GALNT13: variants seen among roughly 807,000 people sequenced by gnomAD.
GALNT13 encodes the protein UDP-GalNAc:polypeptide N-acetylgalactosaminyltransferase 13.
A neutral mutation model predicts 64.2 loss-of-function variants in GALNT13; 28 were observed. The ratio of observed to expected loss-of-function variants is 0.44; its 90% confidence interval spans 0.32 to 0.60. GALNT13 has a LOEUF of 0.60. GALNT13 is among the 20% of genes least tolerant of loss of function. The pLI is 0.05. For missense variants in GALNT13, 577 were observed against 669.8 expected (o/e 0.86, Z 1.53); for synonymous variants, 214 against 224.6 (o/e 0.95, Z 0.42).
the GALNT13 span, among the ~76,000 whole-genome samples, chr2:153,262,694 CA>C: frequency 6.6e-6 from 1 of 151,976 alleles, no homozygotes. Flanking sequence ...GAAATAAAGG[CA>C]AAAACCACAT....
chr2:153,291,521 G>A, the GALNT13 span, among the ~76,000 whole-genome samples: 2 of 152,066 alleles, frequency 1.3e-5, no homozygotes, highest in African/African-American at 4.8e-5. Context: ...CCTTGCTCTG[G>A]TCAGTGCTAG....
chr2:153,128,349 G>A, the GALNT13 span, among the ~76,000 whole-genome samples: 4 of 152,290 alleles, frequency 2.6e-5, no homozygotes, highest in African/African-American at 9.6e-5. Context: ...AGCAGGCAAA[G>A]AAAGAGCTTG....
At chr2:154,005,749 G>C (rs1283019795) in intron 3 of GALNT13, among the ~76,000 whole-genome samples, 1 of 152,130 alleles carries the variant, frequency 6.6e-6, no homozygotes, top group Middle Eastern at 3.4e-3. Flanking sequence ...AACAACTGCT[G>C]CTATCAAGAG....
At chr2:153,792,704 G>C in the GALNT13 span, among the ~76,000 whole-genome samples, 1 of 151,950 alleles carries the variant, frequency 6.6e-6, no homozygotes, top group Non-Finnish European at 1.5e-5. Context: ...TGCTACTATT[G>C]GTCATGAAGG....
intron 3 of GALNT13, among the ~76,000 whole-genome samples, chr2:154,126,600 A>C (rs1292149138): frequency 1.3e-5 from 2 of 151,116 alleles, no homozygotes; most frequent in African/African-American, 4.9e-5. Flanking sequence ...GCGCCATTGC[A>C]CTCCAGCCCG....
At chr2:154,352,402 A>G (rs749222249) in intron 9 of GALNT13, among the ~76,000 whole-genome samples, 2 of 152,196 alleles carry the variant, frequency 1.3e-5, no homozygotes, top group Admixed American at 6.5e-5. Flanking sequence ...TACTTTTCAG[A>G]AAAGTAAAGT....
At chr2:153,449,755 C>T in the GALNT13 span, 1 of 153,148 alleles carries the variant, frequency 6.5e-6, no homozygotes, top group Non-Finnish European at 1.5e-5. Context: ...CAAATAGTGC[C>T]TTGTTGCTAC....
chr2:154,075,565 A>G (rs922188694), intron 3 of GALNT13, among the ~76,000 whole-genome samples: 2 of 151,810 alleles, frequency 1.3e-5, no homozygotes, highest in Admixed American at 1.3e-4. Flanking sequence ...TATATTTTCA[A>G]CATTTTGTTA....
the GALNT13 span, among the ~76,000 whole-genome samples, chr2:153,120,813 T>C: frequency 6.6e-6 from 1 of 152,156 alleles, no homozygotes; most frequent in South Asian, 2.1e-4. Flanking sequence ...CTCCTTCTTT[T>C]TGCCAGGCTC....
At chr2:153,419,182 A>G in the GALNT13 span, among the ~76,000 whole-genome samples, 1 of 152,192 alleles carries the variant, frequency 6.6e-6, no homozygotes, top group East Asian at 1.9e-4. Context: ...AGAGAAAGCA[A>G]ACATATCCTT....
the GALNT13 span, among the ~76,000 whole-genome samples, chr2:153,495,837 T>C: frequency 6.6e-6 from 1 of 152,222 alleles, no homozygotes; most frequent in Non-Finnish European, 1.5e-5. Context: ...GTAATACACA[T>C]TGGTCAACAC....
At chr2:153,892,722 A>G (rs1385940170) in intron 1 of GALNT13, among the ~76,000 whole-genome samples, 1 of 152,050 alleles carries the variant, frequency 6.6e-6, no homozygotes, top group African/African-American at 2.4e-5. Flanking sequence ...TCAATGAAAT[A>G]TAAATTTCTT....
chr2:154,385,274 A>G (rs1178905402), intron 9 of GALNT13, among the ~76,000 whole-genome samples: 1 of 151,994 alleles, frequency 6.6e-6, no homozygotes, highest in Non-Finnish European at 1.5e-5. Flanking sequence ...AGATCAATAA[A>G]GTAACTCATT....
At chr2:153,599,652 G>A in the GALNT13 span, among the ~76,000 whole-genome samples, 5 of 151,974 alleles carry the variant, frequency 3.3e-5, no homozygotes, top group Non-Finnish European at 7.4e-5. Context: ...ATTTTGAGAC[G>A]ATAAAGAGCA....
chr2:154,179,826 A>T (rs899985666), intron 4 of GALNT13, among the ~76,000 whole-genome samples: 148 of 28,864 alleles, frequency 5.1e-3, no homozygotes, highest in East Asian at 0.019. Context: ...TTCCATGATA[A>T]AAAAAAAAAA....
At chr2:154,397,734 T>A (rs1485178418) in intron 10 of GALNT13, among the ~76,000 whole-genome samples, 1 of 152,162 alleles carries the variant, frequency 6.6e-6, no homozygotes, top group Non-Finnish European at 1.5e-5. Context: ...ATTGTCCAAG[T>A]CTCCACTTCC....
chr2:153,721,957 C>A, the GALNT13 span, among the ~76,000 whole-genome samples: 1 of 149,226 alleles, frequency 6.7e-6, no homozygotes, highest in African/African-American at 2.5e-5. Flanking sequence ...CCAAGCGGAC[C>A]TAATAGACAT....
chr2:153,165,220 T>G, the GALNT13 span, among the ~76,000 whole-genome samples: 2 of 152,230 alleles, frequency 1.3e-5, no homozygotes. Flanking sequence ...CAGTATTGTT[T>G]CATTATAAAA....
intron 3 of GALNT13, among the ~76,000 whole-genome samples, chr2:154,075,415 TA>T (rs1700936603): frequency 6.6e-6 from 1 of 151,902 alleles, no homozygotes; most frequent in African/African-American, 2.4e-5. Flanking sequence ...AGTTGATTTT[TA>T]TACTACTTTT....
Sources: allele counts gnomAD v4.1 joint callset (sites outside exome capture counted in the v4.1 genomes callset), GRCh38; gene constraint gnomAD v4.1.1; transcripts MANE v1.5; gene names NCBI Gene and HGNC (gene_info 2026-07-23, HGNC 2026-07-21).